The following PXDNL variants were observed in gnomAD, a reference collection of about 807,000 sequenced individuals.
PXDNL encodes peroxidasin like.
A neutral mutation model predicts 150.8 loss-of-function variants in PXDNL; 145 were observed. That is an observed-to-expected ratio of 0.96 (90% CI 0.84 to 1.10). The LOEUF is 1.10. Among genes scored for constraint, PXDNL ranks in the 50% least tolerant of loss-of-function variants. The pLI, the probability that PXDNL is intolerant of heterozygous loss-of-function variation, is 0.00. For missense variants in PXDNL, 2,087 were observed against 1,873.9 expected (o/e 1.11, Z -2.10); for synonymous variants, 757 against 725.7 (o/e 1.04, Z -0.69).
At position 51,408,272 on chromosome 8, in the gene PXDNL, G is replaced by C. The variant is rs145542518; in HGVS notation, c.3352C>G (p.Leu1118Val). The change falls in exon 17 of 23, where the codon CTC (leucine) becomes GTC (valine). Residue 1118 changes from leucine to valine, a missense_variant. Leu to Val is a conservative substitution (Grantham distance 32). Transcript: ENST00000356297. ...AAKWRAPSYL[L>V]SPELTQRLFS... ...AGCCTCTGGGTCAGCTCAGGACTGA[G>C]AAGGTAGGAGGGTGCCCGCCATTTA... is the stretch of plus-strand genomic sequence containing the variant. 4.0e-3 allele frequency: 6,448 copies of C among 1,614,000 alleles called. 26 individuals carry two copies. Among genetic ancestry groups the C allele is most frequent in the Non-Finnish European group, 4.7e-3 (5,548 of 1,179,894 alleles).
At chr8:51,323,458 T>C (rs1471316156) in intron 21 of PXDNL, among the ~76,000 whole-genome samples, 2 of 152,044 alleles carry the variant, frequency 1.3e-5, no homozygotes, top group Non-Finnish European at 2.9e-5. Context: ...TTTTTGTTGT[T>C]GCTGTTGTTT....
At chr8:51,323,914 C>T in intron 21 of PXDNL, among the ~76,000 whole-genome samples, 1 of 123,624 alleles carries the variant, frequency 8.1e-6, no homozygotes, top group African/African-American at 4.0e-5. Context: ...AAAACTTCAT[C>T]TCAAAAAAAA....
chr8:51,509,733 T>TAC (rs1811368601), intron 4 of PXDNL, among the ~76,000 whole-genome samples: 1 of 106,318 alleles, frequency 9.4e-6, no homozygotes. Context: ...CATATATATA[T>TAC]ACATATATAC....
At chr8:51,417,416 G>A (rs572461261) in intron 14 of PXDNL, among the ~76,000 whole-genome samples, 3 of 152,254 alleles carry the variant, frequency 2.0e-5, no homozygotes, top group Non-Finnish European at 4.4e-5. Context: ...TCAGAAAAGG[G>A]GGAGCTTAGG....
chr8:51,683,610 A>G (rs1236595854), intron 1 of PXDNL, among the ~76,000 whole-genome samples: 2 of 152,110 alleles, frequency 1.3e-5, no homozygotes, highest in African/African-American at 4.8e-5. Context: ...GGTATTCTAC[A>G]CTTAAAATTT....
chr8:51,486,377 C>T (rs919800143), intron 5 of PXDNL, among the ~76,000 whole-genome samples: 1 of 151,762 alleles, frequency 6.6e-6, no homozygotes, highest in African/African-American at 2.4e-5. Context: ...ATATATGATT[C>T]CCAAATCAGA....
At chr8:51,494,658 C>T (rs534670226) in intron 5 of PXDNL, among the ~76,000 whole-genome samples, 1 of 151,968 alleles carries the variant, frequency 6.6e-6, no homozygotes, top group Non-Finnish European at 1.5e-5. Context: ...GACTTTAAAC[C>T]AACAAAGATC....
chr8:51,588,156 C>T (rs1006223193), intron 3 of PXDNL, among the ~76,000 whole-genome samples: 1 of 152,018 alleles, frequency 6.6e-6, no homozygotes, highest in Admixed American at 6.6e-5. Context: ...AAAGGCAATG[C>T]TTACCATATT....
chr8:51,350,699 G>A (rs764284241), intron 19 of PXDNL, among the ~76,000 whole-genome samples: 32 of 152,190 alleles, frequency 2.1e-4, no homozygotes, highest in Non-Finnish European at 4.1e-4. Flanking sequence ...ACCCGCACAC[G>A]TGGTGACAAG....
At chr8:51,565,842 A>G (rs185773392) in intron 3 of PXDNL, among the ~76,000 whole-genome samples, 1 of 152,018 alleles carries the variant, frequency 6.6e-6, no homozygotes, top group East Asian at 1.9e-4. Flanking sequence ...CCAAAATAAA[A>G]AAAAATCCAT....
intron 3 of PXDNL, among the ~76,000 whole-genome samples, chr8:51,570,524 T>A (rs942374780): frequency 1.3e-5 from 2 of 151,940 alleles, no homozygotes; most frequent in Non-Finnish European, 2.9e-5. Flanking sequence ...AAAAGAAACT[T>A]TCATTTTTCT....
At position 51,320,875 on chromosome 8, in the gene PXDNL, A is replaced by T. The variant is rs202101425; in HGVS notation, c.4169T>A (p.Leu1390Gln). The change falls in exon 22 of 23, where the codon CTG (leucine) becomes CAG (glutamine). Residue 1390 changes from leucine (L) to glutamine (Q), a missense_variant. By Grantham distance (113) the Leu-to-Gln change is moderately radical (BLOSUM62 -2). Transcript: ENST00000356297. ...REQINKLEARLRQAGCTDVRG... is the reference protein window; with the variant it reads ...REQINKLEARQRQAGCTDVRG... ...AACATCTGTACACCCTGCCTGCCTC[A>T]GGCGTGCCTCCAGCTTGTTTATCTG... is the stretch of plus-strand genomic sequence containing the variant. The T allele has an allele frequency of 2.5e-6, 4 of 1,613,816 alleles. No homozygotes were observed. The highest frequency in any genetic ancestry group is 3.4e-6 in the Non-Finnish European group (4 of 1,179,784).
At chr8:51,382,036 C>A (rs757583445) in intron 17 of PXDNL, among the ~76,000 whole-genome samples, 3 of 152,084 alleles carry the variant, frequency 2.0e-5, no homozygotes, top group Non-Finnish European at 2.9e-5. Flanking sequence ...CGGGGTTTCA[C>A]CATGTTAACC....
chr8:51,450,635 C>G (rs1350403506), intron 10 of PXDNL, among the ~76,000 whole-genome samples: 4 of 152,156 alleles, frequency 2.6e-5, no homozygotes, highest in African/African-American at 9.7e-5. Flanking sequence ...TTCATCCATT[C>G]TAAGTAAGGT....
At chr8:51,348,929 T>C (rs1023330670) in intron 19 of PXDNL, among the ~76,000 whole-genome samples, 28 of 152,358 alleles carry the variant, frequency 1.8e-4, no homozygotes, top group Admixed American at 1.2e-3. Context: ...CCTAGATTTC[T>C]GGCTTATGCA....
At chr8:51,396,649 C>G (rs1386774416) in intron 17 of PXDNL, among the ~76,000 whole-genome samples, 4 of 152,088 alleles carry the variant, frequency 2.6e-5, no homozygotes, top group Admixed American at 2.0e-4. Flanking sequence ...CCCAGATACT[C>G]GGGAGGCTGA....
At chr8:51,532,524 C>T (rs1330309700) in intron 4 of PXDNL, among the ~76,000 whole-genome samples, 1 of 152,188 alleles carries the variant, frequency 6.6e-6, no homozygotes, top group East Asian at 1.9e-4. Flanking sequence ...ACTATTATTG[C>T]TATTTCAGTA....
chr8:51,479,856 A>G (rs1457881348), intron 6 of PXDNL, among the ~76,000 whole-genome samples: 1 of 152,186 alleles, frequency 6.6e-6, no homozygotes, highest in Non-Finnish European at 1.5e-5. Context: ...GTACCCCTTT[A>G]CAGATAGATT....
At chr8:51,801,971 G>A (rs1355804605) in intron 1 of PXDNL, among the ~76,000 whole-genome samples, 1 of 152,108 alleles carries the variant, frequency 6.6e-6, no homozygotes, top group Non-Finnish European at 1.5e-5. Flanking sequence ...GGCGACATGA[G>A]TACATGAATC....
Sources: gnomAD v4.1 joint callset for allele counts (sites outside exome capture counted in the v4.1 genomes callset) on GRCh38, gnomAD v4.1.1 for gene constraint, MANE v1.5 for transcripts, NCBI Gene and HGNC (gene_info 2026-07-23, HGNC 2026-07-21) for gene names.